The following KCNQ5 variants were observed in gnomAD, a reference collection of about 807,000 sequenced individuals.
The protein encoded by KCNQ5 is potassium voltage-gated channel subfamily KQT member 5.
A neutral mutation model predicts 98.2 loss-of-function variants in KCNQ5; 30 were observed. That is an observed-to-expected ratio of 0.31 (90% confidence interval 0.23 to 0.41). KCNQ5 has a LOEUF of 0.41. KCNQ5 is among the 10% of genes least tolerant of loss of function. The pLI is 1.00. For synonymous variants in KCNQ5, 458 were observed against 449.4 expected (o/e 1.02, Z -0.24); for missense variants, 835 against 1,182.5 (o/e 0.71, Z 4.31).
At chr6:72,734,667 T>C (rs768249960) in intron 1 of KCNQ5, among the ~76,000 whole-genome samples, 3 of 152,216 alleles carry the variant, frequency 2.0e-5, no homozygotes, top group Non-Finnish European at 4.4e-5. Flanking sequence ...TTCTACTTCA[T>C]AGGCATATAA....
intron 1 of KCNQ5, among the ~76,000 whole-genome samples, chr6:72,778,165 C>G (rs1169959959): frequency 6.6e-6 from 1 of 152,128 alleles, no homozygotes; most frequent in African/African-American, 2.4e-5. Context: ...GTACAGCTCT[C>G]TAGTAGAAAA....
chr6:73,141,311 T>G (rs527815815), intron 10 of KCNQ5, among the ~76,000 whole-genome samples: 1 of 152,322 alleles, frequency 6.6e-6, no homozygotes, highest in Admixed American at 6.5e-5. Flanking sequence ...ACTATCACTT[T>G]GAGGGTTAGG....
intron 1 of KCNQ5, chr6:72,987,284 A>G: frequency 1.4e-6 from 1 of 693,932 alleles, no homozygotes; most frequent in Non-Finnish European, 2.8e-6. Context: ...AGACGGACTT[A>G]GAGGTGGTGT....
In KCNQ5 at chr6:73,043,287, T is replaced by C. The variant is rs759798465; in HGVS notation, c.616+1225T>C. On this transcript the variant is annotated intron_variant, in intron 3 of 13. Coordinates refer to ENST00000370398, the MANE Select transcript of KCNQ5 (RefSeq NM_019842.4). ...TGTGGCTGTGTGTGAGGCACTGGTG[T>C]TACAATAGTGAATCTAGTGGAATTC... is the stretch of plus-strand genomic sequence containing the variant. The C allele has an allele frequency of 7.2e-5, 14 of 194,476 alleles. No homozygotes were observed. In the Middle Eastern group the frequency reaches 2.5e-3, roughly 34 times the overall value. The allele number at this position is 194,476 out of a possible 1,614,324, so 12.0% of individuals were successfully genotyped here.
At chr6:73,076,706 ATACTC>A (rs1253048628) in intron 3 of KCNQ5, among the ~76,000 whole-genome samples, 5 of 152,236 alleles carry the variant, frequency 3.3e-5, no homozygotes, top group Non-Finnish European at 5.9e-5. Flanking sequence ...GGTCTAAAGA[ATACTC>A]TATACAGGAA....
At chr6:73,073,441 C>A (rs59148261) in intron 3 of KCNQ5, among the ~76,000 whole-genome samples, 1 of 152,140 alleles carries the variant, frequency 6.6e-6, no homozygotes. Flanking sequence ...CAACCCTAGT[C>A]TCTACCACTA....
intron 1 of KCNQ5, among the ~76,000 whole-genome samples, chr6:72,718,852 G>C (rs796735246): frequency 3.4e-4 from 51 of 152,094 alleles, no homozygotes; most frequent in African/African-American, 1.2e-3. Flanking sequence ...TTCCATTATA[G>C]GTTCCATTTT....
At chr6:73,044,932 A>G (rs1771894855) in intron 3 of KCNQ5, among the ~76,000 whole-genome samples, 1 of 152,180 alleles carries the variant, frequency 6.6e-6, no homozygotes, top group South Asian at 2.1e-4. Flanking sequence ...GAACATAGAA[A>G]AGATTGTGGT....
chr6:72,633,615 G>T (rs2098922323), intron 1 of KCNQ5, among the ~76,000 whole-genome samples: 1 of 152,162 alleles, frequency 6.6e-6, no homozygotes, highest in South Asian at 2.1e-4. Context: ...AACAAAGCTG[G>T]AGGCATCACT....
At chr6:72,654,423 T>C (rs1766038832) in intron 1 of KCNQ5, among the ~76,000 whole-genome samples, 1 of 152,072 alleles carries the variant, frequency 6.6e-6, no homozygotes, top group Non-Finnish European at 1.5e-5. Flanking sequence ...TACTGTGCAT[T>C]GGTACAGTAA....
chr6:72,953,726 G>A (rs1039968466), intron 1 of KCNQ5, among the ~76,000 whole-genome samples: 4 of 152,124 alleles, frequency 2.6e-5, no homozygotes, highest in African/African-American at 9.7e-5. Flanking sequence ...GATGGGAGCA[G>A]GATAGACAGA....
chr6:72,633,193 A>G (rs930256715), intron 1 of KCNQ5, among the ~76,000 whole-genome samples: 15 of 151,952 alleles, frequency 9.9e-5, no homozygotes, highest in African/African-American at 3.4e-4. Context: ...GATGATGAGC[A>G]TTTTTTCATA....
chr6:72,687,196 T>G (rs1030377188), intron 1 of KCNQ5, among the ~76,000 whole-genome samples: 2 of 152,232 alleles, frequency 1.3e-5, no homozygotes, highest in Non-Finnish European at 2.9e-5. Flanking sequence ...ACTGAATACT[T>G]AAGCCAATAT....
intron 2 of KCNQ5, among the ~76,000 whole-genome samples, chr6:73,028,192 C>T (rs1770975737): frequency 6.6e-6 from 1 of 152,294 alleles, no homozygotes; most frequent in South Asian, 2.1e-4. Flanking sequence ...GCAGCAGAGT[C>T]TCCCCAGCTC....
chr6:72,810,113 C>G (rs1217306845), intron 1 of KCNQ5, among the ~76,000 whole-genome samples: 1 of 152,216 alleles, frequency 6.6e-6, no homozygotes, highest in Non-Finnish European at 1.5e-5. Flanking sequence ...AAACCATGTT[C>G]CGGTTACATC....
At chr6:72,980,602 A>G (rs2211389) in intron 1 of KCNQ5, among the ~76,000 whole-genome samples, 118,592 of 152,080 alleles carry the variant, frequency 0.78, 48,389 homozygotes, top group Non-Finnish European at 0.9. Context: ...CTAAATATAC[A>G]ATCATGTCAT....
intron 1 of KCNQ5, among the ~76,000 whole-genome samples, chr6:72,667,768 G>T (rs866314658): frequency 6.6e-6 from 1 of 152,150 alleles, no homozygotes; most frequent in African/African-American, 2.4e-5. Flanking sequence ...ATATTGAAAT[G>T]ATGTATCCCT....
At chr6:73,044,083 T>C (rs1272587289) in intron 3 of KCNQ5, among the ~76,000 whole-genome samples, 3 of 152,140 alleles carry the variant, frequency 2.0e-5, no homozygotes, top group African/African-American at 7.2e-5. Context: ...CCCAGGAGTT[T>C]AAGACCAGCC....
In KCNQ5 at chr6:72,888,725, T is replaced by A. The variant is rs192463165; in HGVS notation, c.399-115183T>A. Reference sequence around the variant, plus strand: ...ATAATAAATTTCCAGTTCCACTAAGTGTTAGTGAATACCCATCACTTGGCC... The same window carrying A: ...ATAATAAATTTCCAGTTCCACTAAGAGTTAGTGAATACCCATCACTTGGCC... On this transcript the variant is annotated intron_variant, in intron 1 of 13. Transcript: ENST00000370398. Among the ~76,000 whole-genome samples, 1,281 of 152,306 alleles carry A rather than the reference T, an allele frequency of 8.4e-3. 14 individuals are homozygous for A. The highest frequency in any genetic ancestry group is 0.027 in the African/African-American group (1,132 of 41,556).
Sources: allele counts gnomAD v4.1 joint callset (sites outside exome capture counted in the v4.1 genomes callset), GRCh38; gene constraint gnomAD v4.1.1; transcripts MANE v1.5; gene names NCBI Gene and HGNC (gene_info 2026-07-23, HGNC 2026-07-21).